Variants in THOC2 observed in about 807,000 individuals in gnomAD.
THOC2 encodes the protein THO complex 2.
In THOC2, 10 loss-of-function variants were observed where a neutral mutation model predicts 128.4. That is an observed-to-expected ratio of 0.08 (90% CI 0.05 to 0.13). The LOEUF is 0.13. THOC2 is among the 10% of genes least tolerant of loss of function. The pLI is 1.00. For missense variants in THOC2, 535 were observed against 1,155.7 expected (o/e 0.46, Z 7.79); for synonymous variants, 393 against 396.9 (o/e 0.99, Z 0.12).
chrX:123,630,825 G>A (rs2047453566), intron 22 of THOC2, among the ~76,000 whole-genome samples: 1 of 110,951 alleles, frequency 9.0e-6, no homozygotes, highest in African/African-American at 3.3e-5. Flanking sequence ...ACAACCACAA[G>A]ATTGCTGGGA....
Position 123,634,040 on chromosome X carries a change from T to C in THOC2, c.2049A>G (p.Val683=). The change falls in exon 20 of 39, where the codon GTA becomes GTG. Residue 683 remains valine, a synonymous_variant. Coordinates refer to ENST00000245838, the MANE Select transcript of THOC2 (RefSeq NM_001081550.2). ...TAATTTCTATTCCTGCCATTTTTTG[T>C]ACCACTTCTTTCAATATAAGCAGGT... ...SFDLLILKEV[V]QKMAGIEITE... is the part of the protein sequence containing the mutation. 1 of 1,198,654 alleles carries C rather than the reference T, an allele frequency of 8.3e-7. No individual in the cohort carries two copies. Among genetic ancestry groups the C allele is most frequent in the Non-Finnish European group, 1.1e-6 (1 of 884,550 alleles).
chrX:123,708,522 A>G (rs754579421), intron 2 of THOC2, among the ~76,000 whole-genome samples: 1 of 108,686 alleles, frequency 9.2e-6, no homozygotes, highest in South Asian at 3.9e-4. Context: ...TTTTTTTTTT[A>G]AAGCAGTAAC....
intron 4 of THOC2, among the ~76,000 whole-genome samples, chrX:123,702,637 A>G (rs759169183): frequency 1.9e-5 from 2 of 105,316 alleles, no homozygotes; most frequent in East Asian, 5.7e-4. Context: ...TTATATGTAT[A>G]TATATATTTT....
chrX:123,685,699 T>A (rs750699917), intron 8 of THOC2, among the ~76,000 whole-genome samples: 2 of 111,623 alleles, frequency 1.8e-5, no homozygotes, highest in Non-Finnish European at 3.8e-5. Context: ...GAAGTAAAGG[T>A]TTTTGACCAG....
At chrX:123,730,586 T>C (rs1421446945) in intron 1 of THOC2, among the ~76,000 whole-genome samples, 1 of 112,250 alleles carries the variant, frequency 8.9e-6, no homozygotes, top group Non-Finnish European at 1.9e-5. Flanking sequence ...ATCTAAGTAT[T>C]TCGATCTCCT....
chrX:123,708,256 T>C (rs1368359882), intron 2 of THOC2, among the ~76,000 whole-genome samples: 1 of 112,188 alleles, frequency 8.9e-6, no homozygotes, highest in African/African-American at 3.2e-5. Context: ...CTATTGCTAT[T>C]TGCTATTGCT....
chrX:123,654,536 A>T (rs1047270284), intron 12 of THOC2, among the ~76,000 whole-genome samples: 1 of 107,459 alleles, frequency 9.3e-6, no homozygotes, highest in African/African-American at 3.4e-5. Context: ...ACCACGGATC[A>T]CGAGGTCAGG....
At chrX:123,643,750 A>G (rs908560073) in intron 15 of THOC2, among the ~76,000 whole-genome samples, 1 of 110,493 alleles carries the variant, frequency 9.1e-6, no homozygotes, top group Admixed American at 9.7e-5. Context: ...AAAAAAAACA[A>G]CAACTAGATT....
chrX:123,622,274 G>A (rs2047114732), intron 30 of THOC2, among the ~76,000 whole-genome samples: 1 of 110,037 alleles, frequency 9.1e-6, no homozygotes. Context: ...GGTGGCACAC[G>A]CTTGTAATCC....
chrX:123,634,891 C>T (rs894915317), intron 19 of THOC2, among the ~76,000 whole-genome samples: 1 of 111,935 alleles, frequency 8.9e-6, no homozygotes, highest in Admixed American at 9.5e-5. Context: ...AAGTTTAGGA[C>T]TACCAATGGA....
At chrX:123,674,739 A>AT (rs1349426678) in intron 8 of THOC2, among the ~76,000 whole-genome samples, 1 of 111,082 alleles carries the variant, frequency 9.0e-6, no homozygotes, top group Non-Finnish European at 1.9e-5. Flanking sequence ...TCCTTTGGGT[A>AT]TAATAATTAA....
intron 8 of THOC2, among the ~76,000 whole-genome samples, chrX:123,672,444 ATG>A (rs1211533738): frequency 9.0e-6 from 1 of 111,083 alleles, no homozygotes; most frequent in Non-Finnish European, 1.9e-5. Context: ...GCTGATACAC[ATG>A]TGTGTTTTCT....
intron 9 of THOC2, 37 bp from the exon 10 acceptor site, chrX:123,668,351 A>G: frequency 1.0e-6 from 1 of 958,505 alleles, no homozygotes; most frequent in Non-Finnish European, 1.4e-6. Context: ...AAAATAGCTA[A>G]TACCAACTAC....
intron 4 of THOC2, among the ~76,000 whole-genome samples, chrX:123,701,940 T>C (rs1002181415): frequency 8.9e-6 from 1 of 111,943 alleles, no homozygotes; most frequent in Admixed American, 9.5e-5. Context: ...CACATACATT[T>C]TGACCTACTC....
Position 123,606,286 on chromosome X carries a change from A to AAAAAG in THOC2, c.*18+4631_*18+4632insCTTTT, listed in dbSNP as rs1556000301. Among the ~76,000 whole-genome samples the AAAAAG allele has an allele frequency of 3.2e-4, 35 of 108,251 alleles. 1 individual carries two copies. Among genetic ancestry groups the AAAAAG allele is most frequent in the African/African-American group, 1.1e-3 (32 of 29,774 alleles). 94.0% of individuals were successfully genotyped at this position (108,251 alleles called of 115,157 possible). A position where few individuals can be genotyped will look rare whatever the true frequency, so the allele number is the denominator to read the frequency against. On this transcript the variant is annotated intron_variant, in intron 38 of 38. Transcript: ENST00000245838. The stretch of plus-strand genomic sequence containing the variant: ...GACCTCGTCTCTACAAAAAAAAAAA[A>AAAAAG]AAAGAAAGAAAGAAAGAAAGACAGG...
Position 123,658,843 on chromosome X carries a change from T to C in THOC2, c.1386+6799A>G, listed in dbSNP as rs781202015. ...TGGGTGATGTGTCAATGTGGATTCA[T>C]CCCTGTAACAAATGTACCACTCTGG... On this transcript the variant is annotated intron_variant, in intron 12 of 38. Transcript: ENST00000245838. Among the ~76,000 whole-genome samples, 45 of 111,914 alleles carry C rather than the reference T, an allele frequency of 4.0e-4. 1 individual carries two copies. Among genetic ancestry groups the C allele is most frequent in the African/African-American group, 1.2e-3 (37 of 30,837 alleles).
chrX:123,657,711 TTTC>T (rs1444559688), intron 12 of THOC2, among the ~76,000 whole-genome samples: 1 of 110,560 alleles, frequency 9.0e-6, no homozygotes, highest in Non-Finnish European at 1.9e-5. Context: ...AAATAAAGAC[TTTC>T]TCAGACAAAA....
chrX:123,605,676 T>C (rs1482504612), intron 38 of THOC2, among the ~76,000 whole-genome samples: 1 of 111,647 alleles, frequency 9.0e-6, no homozygotes, highest in African/African-American at 3.3e-5. Flanking sequence ...AATGTGAACA[T>C]TGATGAGTTC....
chrX:123,611,210 C>G, intron 37 of THOC2, among the ~76,000 whole-genome samples: 1 of 111,265 alleles, frequency 9.0e-6, no homozygotes, highest in East Asian at 2.8e-4. Flanking sequence ...CTATAAATCC[C>G]TTAGTGGCAT....
Sources: allele counts gnomAD v4.1 joint callset (sites outside exome capture counted in the v4.1 genomes callset), GRCh38; gene constraint gnomAD v4.1.1; transcripts MANE v1.5; gene names NCBI Gene and HGNC (gene_info 2026-07-23, HGNC 2026-07-21).